Variants in RGS3 observed in about 807,000 individuals in gnomAD.
RGS3 encodes the protein regulator of G protein signaling 3, also known as regulator of G-protein signalling 3.
RGS3 carries 80 observed loss-of-function variants against 132.6 expected under a neutral mutation model. That is an observed-to-expected ratio of 0.60 (90% CI 0.50 to 0.73). The LOEUF is 0.73. Ranked by LOEUF, RGS3 falls within the 30% of genes least tolerant of loss-of-function variation. RGS3 has a pLI of 0.00. For synonymous variants in RGS3, 598 were observed against 620.6 expected, an observed-to-expected ratio of 0.96 and a Z score of 0.54; for missense variants, 1,382 against 1,530.8, an observed-to-expected ratio of 0.90 and a Z score of 1.62.
At chr9:113,597,153 G>T in exon 25 of RGS3, 1 of 547,514 alleles carries the variant, frequency 1.8e-6, no homozygotes, top group South Asian at 2.4e-5. Context: ...GCCCCGTGGG[G>T]TCCCCACTGC....
At chr9:113,452,857 T>G (rs1829274381) in intron 1 of RGS3, among the ~76,000 whole-genome samples, 1 of 146,244 alleles carries the variant, frequency 6.8e-6, no homozygotes, top group South Asian at 2.1e-4. Context: ...TCAGGCATTA[T>G]ATTTTTCACC....
intron 14 of RGS3, among the ~76,000 whole-genome samples, chr9:113,510,645 G>A (rs1459103864): frequency 6.6e-6 from 1 of 152,120 alleles, no homozygotes; most frequent in Non-Finnish European, 1.5e-5. Flanking sequence ...TGTGCTCCCA[G>A]CCTGTATCCA....
Sources: gnomAD v4.1 joint callset for allele counts (sites outside exome capture counted in the v4.1 genomes callset) on GRCh38, gnomAD v4.1.1 for gene constraint, MANE v1.5 for transcripts, NCBI Gene and HGNC (gene_info 2026-07-23, HGNC 2026-07-21) for gene names.